Variants in ASNS observed in about 807,000 individuals in gnomAD.
ASNS encodes the protein asparagine synthetase [glutamine-hydrolyzing].
A neutral mutation model predicts 62.6 loss-of-function variants in ASNS; 37 were observed. That is an observed-to-expected ratio of 0.59 (90% CI 0.45 to 0.78). ASNS has a LOEUF of 0.78. ASNS is among the 30% of genes least tolerant of loss of function. The pLI is 0.00. For missense variants in ASNS, 520 were observed against 682.4 expected, an observed-to-expected ratio of 0.76 and a Z score of 2.65; for synonymous variants, 207 against 237.9, an observed-to-expected ratio of 0.87 and a Z score of 1.19.
rs756206072 is a variant in ASNS, at chr7:97,864,437, A to G, written c.309T>C (p.His103=). 1 of 1,614,018 alleles carries G rather than the reference A, an allele frequency of 6.2e-7. No homozygotes were observed. The highest frequency in any genetic ancestry group is 8.5e-7 in the Non-Finnish European group (1 of 1,179,926). ...QTKVDGEIIL[H]LYDKGGIEQT... ...GCTCAATTCCTCCTTTGTCATAAAG[A>G]TGAAGGATTATCTCACCATCCACTT... Residue 103 remains histidine, a synonymous_variant, in exon 4 of 13, where the codon CAT becomes CAC. Transcript: ENST00000394308.
At chr7:97,871,428 AACT>A (rs1792250424) in intron 1 of ASNS, among the ~76,000 whole-genome samples, 1 of 152,176 alleles carries the variant, frequency 6.6e-6, no homozygotes, top group Admixed American at 6.5e-5. Flanking sequence ...GTAAGTAACC[AACT>A]ACAGACAGGT....
rs35467050 is a variant in ASNS at position 97,871,503 on chromosome 7, T to TAAA, written c.-60+845_-60+847dup. On this transcript the variant is annotated intron_variant, in intron 1 of 12. Coordinates refer to ENST00000394308, the MANE Select transcript of ASNS (RefSeq NM_001673.5). ...ATGCTATGAATCATGATTTAAAATT[T>TAAA]AAAAAAAAAAACTGCTGTTAAATTA... Among the ~76,000 whole-genome samples, 104 of 150,440 alleles carry TAAA rather than the reference T, an allele frequency of 6.9e-4. 2 individuals carry two copies. The highest frequency in any genetic ancestry group is 3.4e-3 in the Middle Eastern group (1 of 292).
At chr7:97,914,011 G>C in the ASNS span, among the ~76,000 whole-genome samples, 1 of 150,546 alleles carries the variant, frequency 6.6e-6, no homozygotes, top group Admixed American at 6.7e-5. Context: ...TGGGTGGATA[G>C]ATGCATGGGT....
Position 97,852,217 on chromosome 7 carries a change from C to A in ASNS, c.*42G>T. ...CTATCTACCCACAGTCCCCATCCAA[C>A]ACGAAGAAATATTTGCTTTCACATT... On this transcript the variant is annotated 3_prime_UTR_variant, in exon 13 of 13. Transcript: ENST00000394308. The A allele has an allele frequency of 6.2e-7, 1 of 1,602,534 alleles. No individual in the cohort carries two copies. The highest frequency in any genetic ancestry group is 8.5e-7 in the Non-Finnish European group (1 of 1,172,564).
chr7:97,878,193 G>A, the ASNS span, among the ~76,000 whole-genome samples: 5 of 152,148 alleles, frequency 3.3e-5, no homozygotes. Flanking sequence ...AGACTATCCT[G>A]GCCAACCAAC....
chr7:97,874,550 G>T (rs1584483156), upstream of ASNS, among the ~76,000 whole-genome samples: 2 of 151,586 alleles, frequency 1.3e-5, no homozygotes, highest in Non-Finnish European at 2.9e-5. Context: ...AGATTGCAGT[G>T]AAGGCAGGCA....
chr7:97,889,686 G>T, the ASNS span, among the ~76,000 whole-genome samples: 1 of 151,664 alleles, frequency 6.6e-6, no homozygotes, highest in African/African-American at 2.4e-5. Context: ...ATAAGAAAAG[G>T]TCTTTCCCAT....
intron 4 of ASNS, chr7:97,863,982 A>T: frequency 6.2e-6 from 2 of 322,202 alleles, no homozygotes; most frequent in Non-Finnish European, 1.1e-5. Flanking sequence ...ATGACACAGG[A>T]AAACTTAAAA....
At chr7:97,868,193 A>G (rs1464778213) in intron 3 of ASNS, among the ~76,000 whole-genome samples, 1 of 152,184 alleles carries the variant, frequency 6.6e-6, no homozygotes, top group African/African-American at 2.4e-5. Flanking sequence ...CTGTAGTCCC[A>G]GCTACTTGGG....
At chr7:97,870,206 CT>C in intron 1 of ASNS, 1 of 1,000,352 alleles carries the variant, frequency 1.0e-6, no homozygotes, top group Non-Finnish European at 1.4e-6. Context: ...TGATGACTGC[CT>C]TTCTGTTCAG....
At chr7:97,877,829 G>A in the ASNS span, among the ~76,000 whole-genome samples, 30 of 152,186 alleles carry the variant, frequency 2.0e-4, no homozygotes, top group East Asian at 5.0e-3. Flanking sequence ...GCTTAACAAA[G>A]CAAGTGTGAC....
chr7:97,882,578 G>A, the ASNS span, among the ~76,000 whole-genome samples: 2 of 145,766 alleles, frequency 1.4e-5, no homozygotes, highest in Non-Finnish European at 3.0e-5. Flanking sequence ...AAATACCACC[G>A]ATATGAACAC....
At chr7:97,906,251 C>A in the ASNS span, among the ~76,000 whole-genome samples, 1 of 152,100 alleles carries the variant, frequency 6.6e-6, no homozygotes, top group Non-Finnish European at 1.5e-5. Flanking sequence ...TTCCCACCAC[C>A]ACCACCACCA....
In ASNS at chr7:97,853,337, A is replaced by C; in HGVS notation, c.1288T>G (p.Leu430Val). ...FLDHRFSSYY[L>V]SLPPEMRIPK... ...ATTCTCATTTCTGGTGGCAGAGACA[A>C]GTAATAGGAAGAAAATCGATGATCT... The change falls in exon 11 of 13, where the codon TTG becomes GTG. Residue 430 changes from leucine to valine, a missense_variant. Leu to Val is a conservative substitution (Grantham distance 32). Transcript: ENST00000394308. 1 of 1,613,590 alleles carries C rather than the reference A, an allele frequency of 6.2e-7. No homozygotes were observed. The highest frequency in any genetic ancestry group is 8.5e-7 in the Non-Finnish European group (1 of 1,179,924).
the ASNS span, among the ~76,000 whole-genome samples, chr7:97,918,888 T>C: frequency 1.3e-5 from 2 of 152,074 alleles, no homozygotes; most frequent in African/African-American, 4.8e-5. Context: ...GGCACATGTA[T>C]ACCTATGTAA....
Position 97,852,220 on chromosome 7 carries a change from G to C in ASNS, c.*39C>G. 1 of 1,604,800 alleles carries C rather than the reference G, an allele frequency of 6.2e-7. No homozygotes were observed. The highest frequency in any genetic ancestry group is 1.1e-5 in the South Asian group (1 of 90,490). On this transcript the variant is annotated 3_prime_UTR_variant, in exon 13 of 13. Coordinates refer to ENST00000394308, the MANE Select transcript of ASNS (RefSeq NM_001673.5). Reference sequence around the variant, plus strand: ...TCTACCCACAGTCCCCATCCAACACGAAGAAATATTTGCTTTCACATTACA... The same window carrying C: ...TCTACCCACAGTCCCCATCCAACACCAAGAAATATTTGCTTTCACATTACA...
At chr7:97,894,480 C>CAAAA in the ASNS span, among the ~76,000 whole-genome samples, 184 of 36,474 alleles carry the variant, frequency 5.0e-3, no homozygotes, top group African/African-American at 6.9e-3. Flanking sequence ...TGAGGCTAAC[C>CAAAA]AAAAAAAAAA....
chr7:97,895,774 G>A, the ASNS span, among the ~76,000 whole-genome samples: 1 of 152,154 alleles, frequency 6.6e-6, no homozygotes, highest in Non-Finnish European at 1.5e-5. Flanking sequence ...CTGGAAAACA[G>A]AGTGAGACTC....
chr7:97,895,659 T>C, the ASNS span, among the ~76,000 whole-genome samples: 2 of 151,976 alleles, frequency 1.3e-5, no homozygotes, highest in African/African-American at 2.4e-5. Flanking sequence ...GGCATGGTGG[T>C]AGGTGCCTGT....
Sources: gnomAD v4.1 joint callset for allele counts (sites outside exome capture counted in the v4.1 genomes callset) on GRCh38, gnomAD v4.1.1 for gene constraint, MANE v1.5 for transcripts, NCBI Gene and HGNC (gene_info 2026-07-23, HGNC 2026-07-21) for gene names.